Variants in PTPRG observed in about 807,000 individuals in gnomAD.
PTPRG encodes receptor-type tyrosine-protein phosphatase gamma.
In PTPRG, 102 loss-of-function variants were observed where a neutral mutation model predicts 165.3. The observed-to-expected ratio is 0.62, with a 90% CI of 0.53 to 0.73. The LOEUF (loss-of-function observed/expected upper bound fraction) is 0.73, where lower values mean the gene tolerates loss of function less well. Ranked by LOEUF, PTPRG falls within the 30% of genes least tolerant of loss-of-function variation. The pLI is 0.00. For synonymous variants in PTPRG, 675 were observed against 669.5 expected (o/e 1.01, Z -0.13); for missense variants, 1,866 against 1,861.4 (o/e 1.00, Z -0.05).
rs937361851 is a variant in PTPRG at position 62,296,449 on chromosome 3, G to C, written c.*3142G>C. ...ATACTGTATTTAAAATTAAAATATAGATACCAATTTACCAAAGATACATAT... is the reference window on the plus strand; with the variant it reads ...ATACTGTATTTAAAATTAAAATATACATACCAATTTACCAAAGATACATAT... On this transcript the variant is annotated 3_prime_UTR_variant, in exon 30 of 30. Coordinates refer to ENST00000474889, the MANE Select transcript of PTPRG (RefSeq NM_002841.4). 2.6e-5 allele frequency: 4 copies of C among 151,316 alleles called. No individual in the cohort carries two copies. The East Asian group carries it at 7.7e-4, about 29-fold the overall frequency. 9.4% of individuals were successfully genotyped at this position (151,316 alleles called of 1,614,324 possible). A position where few individuals can be genotyped will look rare whatever the true frequency, so the allele number is the denominator to read the frequency against.
At chr3:62,159,234 G>T (rs932843646) in intron 7 of PTPRG, among the ~76,000 whole-genome samples, 1 of 152,172 alleles carries the variant, frequency 6.6e-6, no homozygotes, top group East Asian at 1.9e-4. Flanking sequence ...GGGAGGCTGA[G>T]GGGGGAGGAT....
At chr3:62,251,930 G>GA (rs1343560668) in intron 15 of PTPRG, among the ~76,000 whole-genome samples, 1 of 152,102 alleles carries the variant, frequency 6.6e-6, no homozygotes, top group Non-Finnish European at 1.5e-5. Flanking sequence ...ATAAATGTGT[G>GA]AAAAACATTT....
intron 2 of PTPRG, among the ~76,000 whole-genome samples, chr3:61,826,332 A>G (rs1463243788): frequency 6.6e-6 from 1 of 152,126 alleles, no homozygotes; most frequent in Non-Finnish European, 1.5e-5. Context: ...GCATCAGGGG[A>G]CCAACCTGCA....
chr3:61,905,712 T>C (rs2038629640), intron 2 of PTPRG, among the ~76,000 whole-genome samples: 1 of 152,190 alleles, frequency 6.6e-6, no homozygotes, highest in Non-Finnish European at 1.5e-5. Flanking sequence ...CCCAACTTTG[T>C]TGATTTTCAC....
rs72878423 is a variant in PTPRG at position 61,695,401 on chromosome 3, G to A, written c.86-53477G>A. Among the ~76,000 whole-genome samples, 783 of 152,302 alleles carry A rather than the reference G, an allele frequency of 5.1e-3. 9 individuals are homozygous for A. The highest frequency in any genetic ancestry group is 0.018 in the African/African-American group (741 of 41,564). Reference sequence around the variant, plus strand: ...GCTTGAGGCTCCTGATGTCTTAAGAGCATTGAAATGGGTGGACCACCATTG... The same window carrying A: ...GCTTGAGGCTCCTGATGTCTTAAGAACATTGAAATGGGTGGACCACCATTG... On this transcript the variant is annotated intron_variant, in intron 1 of 29. Coordinates refer to ENST00000474889, the MANE Select transcript of PTPRG (RefSeq NM_002841.4).
intron 7 of PTPRG, 28 bp downstream of exon 7, chr3:62,157,252 C>T: frequency 1.2e-6 from 2 of 1,605,546 alleles, no homozygotes; most frequent in Non-Finnish European, 1.7e-6. Context: ...AGTGGGGTTT[C>T]TGTGTTTACT....
chr3:61,919,014 C>T (rs968004002), intron 2 of PTPRG, among the ~76,000 whole-genome samples: 4 of 152,140 alleles, frequency 2.6e-5, no homozygotes, highest in African/African-American at 7.2e-5. Flanking sequence ...TAGTCCCTTC[C>T]CACAGTGTAG....
intron 2 of PTPRG, among the ~76,000 whole-genome samples, chr3:61,969,473 G>T (rs571491442): frequency 6.6e-6 from 1 of 152,284 alleles, no homozygotes; most frequent in South Asian, 2.1e-4. Context: ...GTCCCGTACA[G>T]AATTGTATGA....
chr3:62,154,803 T>C (rs941971403), intron 6 of PTPRG, among the ~76,000 whole-genome samples: 5 of 152,278 alleles, frequency 3.3e-5, no homozygotes, highest in East Asian at 1.9e-4. Context: ...CTAAGGCAGG[T>C]TGGTGTGCTG....
chr3:61,738,485 CA>C (rs1465572533), intron 1 of PTPRG, among the ~76,000 whole-genome samples: 4 of 151,100 alleles, frequency 2.6e-5, no homozygotes, highest in African/African-American at 9.7e-5. Context: ...GGGTTTGGCA[CA>C]AAGTTACTAA....
chr3:61,656,799 G>A (rs543964035), intron 1 of PTPRG, among the ~76,000 whole-genome samples: 97 of 152,164 alleles, frequency 6.4e-4, no homozygotes, highest in African/African-American at 2.2e-3. Flanking sequence ...TTTTCGATTT[G>A]GGGCTACTAT....
At chr3:61,612,805 C>T (rs376824598) in intron 1 of PTPRG, among the ~76,000 whole-genome samples, 8 of 151,996 alleles carry the variant, frequency 5.3e-5, no homozygotes, top group African/African-American at 9.7e-5. Flanking sequence ...ATATCAGCTT[C>T]GGGGGAATGG....
chr3:61,874,149 G>A (rs1048301657), intron 2 of PTPRG, among the ~76,000 whole-genome samples: 9 of 152,092 alleles, frequency 5.9e-5, no homozygotes, highest in Admixed American at 6.5e-5. Flanking sequence ...CCATTTCCTC[G>A]ATCCTCACCT....
At chr3:62,037,974 A>C (rs1700004453) in intron 4 of PTPRG, among the ~76,000 whole-genome samples, 1 of 152,148 alleles carries the variant, frequency 6.6e-6, no homozygotes, top group Non-Finnish European at 1.5e-5. Context: ...ATTTCAGGGG[A>C]GTAGGGGTGG....
rs564557265 is a variant in PTPRG at position 62,214,912 on chromosome 3, G to A, written c.2156-3939G>A. On this transcript the variant is annotated intron_variant, in intron 12 of 29. Transcript: ENST00000474889. This position sits in a 1 kb window ranked among gnomAD's most constrained non-coding sequence, Gnocchi z 5.2. ...AGAGATAGTACAAACTGGCGGCTTC[G>A]GGAAGCCTCACAGAGAAGGCAGCAT... Among the ~76,000 whole-genome samples the A allele has an allele frequency of 5.9e-5, 9 of 152,286 alleles. No homozygotes were observed. Among genetic ancestry groups the A allele is most frequent in the East Asian group, 1.9e-4 (1 of 5,188 alleles).
rs79357381 is a variant in PTPRG at position 61,767,335 on chromosome 3, A to C, written c.190+18353A>C. Among the ~76,000 whole-genome samples, 198 of 147,770 alleles carry C rather than the reference A, an allele frequency of 1.3e-3. 3 individuals are homozygous for C. The East Asian group carries it at 0.031, about 23-fold the overall frequency. On this transcript the variant is annotated intron_variant, in intron 2 of 29. Transcript: ENST00000474889. The stretch of plus-strand genomic sequence containing the variant: ...AGGCATACCATTTTCTTTTACTCTC[A>C]TTTTGTTTTTGCTTATTCTAGTACA...
intron 2 of PTPRG, among the ~76,000 whole-genome samples, chr3:61,823,824 C>A (rs72880474): frequency 0.01 from 1,591 of 152,094 alleles, 23 homozygotes; most frequent in African/African-American, 0.036. Flanking sequence ...TAATAAATAT[C>A]CCTGTTATAA....
At chr3:62,110,280 A>G (rs1702622901) in intron 5 of PTPRG, among the ~76,000 whole-genome samples, 1 of 151,966 alleles carries the variant, frequency 6.6e-6, no homozygotes, top group Non-Finnish European at 1.5e-5. Context: ...GCTAAGAGAG[A>G]AGCCACCTAC....
chr3:61,883,002 T>C (rs2037931199), intron 2 of PTPRG, among the ~76,000 whole-genome samples: 1 of 152,168 alleles, frequency 6.6e-6, no homozygotes, highest in African/African-American at 2.4e-5. Context: ...GAGCTCACTT[T>C]GCAACCTTCA....
Sources: allele counts gnomAD v4.1 joint callset (sites outside exome capture counted in the v4.1 genomes callset), GRCh38; gene constraint gnomAD v4.1.1; non-coding constraint Gnocchi (gnomAD v3.1); transcripts MANE v1.5; gene names NCBI Gene and HGNC (gene_info 2026-07-23, HGNC 2026-07-21).